HPSE2: variants seen among roughly 807,000 people sequenced by gnomAD.
HPSE2 encodes the protein heparanase 2 (inactive).
Under a neutral mutation model 60.5 loss-of-function variants are expected in HPSE2, and 38 were observed. The observed-to-expected ratio is 0.63, with a 90% CI of 0.48 to 0.82. The LOEUF (loss-of-function observed/expected upper bound fraction) is 0.82, where lower values mean the gene tolerates loss of function less well. Ranked by LOEUF, HPSE2 falls within the 40% of genes least tolerant of loss-of-function variation. The pLI, the probability that HPSE2 is intolerant of heterozygous loss-of-function variation, is 0.00. For synonymous variants in HPSE2, 295 were observed against 293.2 expected, an observed-to-expected ratio of 1.01 and a Z score of -0.06; for missense variants, 713 against 740.4, an observed-to-expected ratio of 0.96 and a Z score of 0.43.
At chr10:98,889,490 G>C (rs1168921544) in intron 3 of HPSE2, among the ~76,000 whole-genome samples, 1 of 151,934 alleles carries the variant, frequency 6.6e-6, no homozygotes, top group African/African-American at 2.4e-5. Context: ...TTACAGGCGT[G>C]AGCCACTGCA....
intron 4 of HPSE2, among the ~76,000 whole-genome samples, chr10:98,739,869 T>C (rs1318475251): frequency 1.3e-5 from 2 of 152,170 alleles, no homozygotes; most frequent in Non-Finnish European, 2.9e-5. Flanking sequence ...CTTAAGGTAA[T>C]TTTTGTGATT....
At position 99,106,795 on chromosome 10, in the gene HPSE2, C is replaced by A. The variant is rs574564321; in HGVS notation, c.610+37443G>T. 2.6e-5 allele frequency among the ~76,000 whole-genome samples: 4 copies of A among 152,176 alleles called. No homozygotes were observed. In the East Asian group the frequency reaches 7.7e-4, roughly 29 times the overall value. On this transcript the variant is annotated intron_variant, in intron 3 of 11. Coordinates refer to ENST00000370552, the MANE Select transcript of HPSE2 (RefSeq NM_021828.5). Reference sequence around the variant, plus strand: ...AGTTGGGGCTTAAAGTGGTTATTTTCCAAAGTTTCACTATTAAAGTTAAAG... The same window carrying A: ...AGTTGGGGCTTAAAGTGGTTATTTTACAAAGTTTCACTATTAAAGTTAAAG...
intron 9 of HPSE2, among the ~76,000 whole-genome samples, chr10:98,540,022 G>A (rs1217952895): frequency 6.6e-6 from 1 of 152,172 alleles, no homozygotes; most frequent in East Asian, 1.9e-4. Context: ...TATTACCTGG[G>A]GTAAGCCACT....
At chr10:98,559,557 C>T (rs369762298) in intron 9 of HPSE2, among the ~76,000 whole-genome samples, 14 of 152,308 alleles carry the variant, frequency 9.2e-5, no homozygotes, top group African/African-American at 2.6e-4. Context: ...GTCCTTCTCA[C>T]TCTCCCCTTA....
At chr10:98,472,670 T>A (rs1375259369) in intron 11 of HPSE2, among the ~76,000 whole-genome samples, 2 of 152,068 alleles carry the variant, frequency 1.3e-5, no homozygotes, top group East Asian at 3.9e-4. Context: ...AAGAAATGAA[T>A]ACAAGTGAAA....
chr10:98,764,863 T>G (rs1330469479), intron 3 of HPSE2, among the ~76,000 whole-genome samples: 1 of 151,850 alleles, frequency 6.6e-6, no homozygotes, highest in Non-Finnish European at 1.5e-5. Context: ...CCAGACTCCG[T>G]CATAAAAAAC....
chr10:98,841,200 G>A (rs796763646), intron 3 of HPSE2, among the ~76,000 whole-genome samples: 6 of 151,948 alleles, frequency 3.9e-5, no homozygotes, highest in Non-Finnish European at 1.5e-5. Context: ...GGAGGTTACA[G>A]TGAACCGAGA....
chr10:99,246,235 G>A, the HPSE2 span, among the ~76,000 whole-genome samples: 1 of 152,118 alleles, frequency 6.6e-6, no homozygotes, highest in Non-Finnish European at 1.5e-5. Context: ...CCAATTATGG[G>A]GGGGAAAATA....
intron 2 of HPSE2, among the ~76,000 whole-genome samples, chr10:99,193,826 CCAATA>C (rs1236334098): frequency 3.3e-5 from 5 of 152,030 alleles, no homozygotes; most frequent in Non-Finnish European, 7.4e-5. Flanking sequence ...GAGATAGACT[CCAATA>C]CAATAGTAGC....
intron 3 of HPSE2, among the ~76,000 whole-genome samples, chr10:98,885,451 G>A (rs1276837907): frequency 6.6e-6 from 1 of 152,114 alleles, no homozygotes; most frequent in African/African-American, 2.4e-5. Flanking sequence ...TGGGTAAAAT[G>A]CTATCAAGCA....
intron 5 of HPSE2, among the ~76,000 whole-genome samples, chr10:98,705,634 C>T (rs920881344): frequency 6.6e-6 from 1 of 152,094 alleles, no homozygotes; most frequent in Admixed American, 6.6e-5. Flanking sequence ...AAGCCATTAT[C>T]CTCAGCAAAC....
chr10:98,914,279 TCCTTGCTTTCCA>T (rs1449347924), intron 3 of HPSE2, among the ~76,000 whole-genome samples: 1 of 152,096 alleles, frequency 6.6e-6, no homozygotes, highest in Admixed American at 6.5e-5. Context: ...GACTTGCTCC[TCCTTGCTTTCCA>T]CCATGATTGT....
intron 3 of HPSE2, among the ~76,000 whole-genome samples, chr10:98,939,149 C>A (rs1954907300): frequency 7.0e-6 from 1 of 143,596 alleles, no homozygotes; most frequent in South Asian, 2.1e-4. Context: ...TTGTAAAGAC[C>A]ATCGAGGCTA....
chr10:99,203,867 A>ACCAGGC (rs1424787195), intron 2 of HPSE2, among the ~76,000 whole-genome samples: 2 of 151,370 alleles, frequency 1.3e-5, no homozygotes, highest in Non-Finnish European at 3.0e-5. Context: ...AGAAGCCAGG[A>ACCAGGC]CCGCTCCACC....
intron 3 of HPSE2, among the ~76,000 whole-genome samples, chr10:98,874,567 T>C (rs935339288): frequency 1.3e-5 from 2 of 152,236 alleles, no homozygotes; most frequent in South Asian, 4.1e-4. Context: ...CAGAGACAAT[T>C]TGACTTCCTC....
At chr10:99,064,048 G>A (rs943256505) in intron 3 of HPSE2, among the ~76,000 whole-genome samples, 6 of 152,198 alleles carry the variant, frequency 3.9e-5, no homozygotes, top group South Asian at 2.1e-4. Context: ...AGCTGAGATC[G>A]CGCCACTGCA....
intron 3 of HPSE2, chr10:99,013,461 TATTATG>T (rs1361200072): frequency 3.5e-5 from 16 of 455,098 alleles, no homozygotes; most frequent in African/African-American, 2.3e-4. Flanking sequence ...AAATGTATAT[TATTATG>T]ATTATGATTA....
intron 6 of HPSE2, 124 bp downstream of exon 6, chr10:98,693,776 C>A: frequency 1.2e-6 from 1 of 852,676 alleles, no homozygotes; most frequent in Admixed American, 1.8e-5. Flanking sequence ...GAGTTACTTT[C>A]AAATTTTTTC....
At chr10:99,186,583 C>A (rs1374272568) in intron 2 of HPSE2, among the ~76,000 whole-genome samples, 1 of 135,156 alleles carries the variant, frequency 7.4e-6, no homozygotes, top group Non-Finnish European at 1.6e-5. Flanking sequence ...AGATTTACAG[C>A]AGACTTGTCA....
Sources: gnomAD v4.1 joint callset for allele counts (sites outside exome capture counted in the v4.1 genomes callset) on GRCh38, gnomAD v4.1.1 for gene constraint, MANE v1.5 for transcripts, NCBI Gene and HGNC (gene_info 2026-07-23, HGNC 2026-07-21) for gene names.